The following HNMT variants were observed in gnomAD, a reference collection of about 807,000 sequenced individuals.
The protein encoded by HNMT is histamine N-methyltransferase.
Under a neutral mutation model 32.1 loss-of-function variants are expected in HNMT, and 30 were observed. That is an observed-to-expected ratio of 0.93 (90% CI 0.70 to 1.27). The LOEUF (loss-of-function observed/expected upper bound fraction) is 1.27, where lower values mean the gene tolerates loss of function less well. Among genes scored for constraint, HNMT ranks in the 50% most tolerant of loss-of-function variants. The pLI is 0.00. For missense variants in HNMT, 327 were observed against 346.0 expected (o/e 0.95, Z 0.43); for synonymous variants, 125 against 119.0 (o/e 1.05, Z -0.33).
At chr2:137,965,338 A>G (rs946560671) in intron 1 of HNMT, among the ~76,000 whole-genome samples, 17 of 152,250 alleles carry the variant, frequency 1.1e-4, no homozygotes, top group East Asian at 3.9e-4. Context: ...CAAATCACCT[A>G]TCTGGGGGTG....
In HNMT at chr2:138,008,625, A is replaced by G. The variant is rs189654220; in HGVS notation, c.523+3400A>G. Among the ~76,000 whole-genome samples the G allele has an allele frequency of 2.0e-3, 304 of 152,148 alleles. 2 individuals carry two copies. Among genetic ancestry groups the G allele is most frequent in the African/African-American group, 7.0e-3 (291 of 41,538 alleles). ...AGAGAGACCAGAAATAAGGCCGCAC[A>G]CCTACGACCATCTGATCTTTGACAA... On this transcript the variant is annotated intron_variant, in intron 5 of 5. Coordinates refer to ENST00000280097, the MANE Select transcript of HNMT (RefSeq NM_006895.3).
At chr2:137,986,369 G>T (rs1293722261) in intron 2 of HNMT, among the ~76,000 whole-genome samples, 1 of 152,194 alleles carries the variant, frequency 6.6e-6, no homozygotes, top group East Asian at 1.9e-4. Context: ...ACCCAGGAGA[G>T]CCCATGGTGT....
intron 2 of HNMT, among the ~76,000 whole-genome samples, chr2:137,984,122 T>C (rs1262231985): frequency 1.3e-5 from 2 of 152,226 alleles, no homozygotes; most frequent in Non-Finnish European, 2.9e-5. Context: ...CTTATAACTT[T>C]CCATCTAACT....
intron 4 of HNMT, 98 bp downstream of exon 4, chr2:138,002,292 A>T: frequency 8.9e-7 from 1 of 1,125,234 alleles, no homozygotes; most frequent in Non-Finnish European, 1.1e-6. Flanking sequence ...AGGTAAATGA[A>T]AATCTTCTGA....
At chr2:137,971,656 G>A (rs1412084447) in intron 2 of HNMT, among the ~76,000 whole-genome samples, 1 of 152,150 alleles carries the variant, frequency 6.6e-6, no homozygotes, top group African/African-American at 2.4e-5. Context: ...ATCTCATAAG[G>A]TTGTAGTGAG....
chr2:137,974,463 C>G (rs1033407308), intron 2 of HNMT, among the ~76,000 whole-genome samples: 1 of 151,830 alleles, frequency 6.6e-6, no homozygotes, highest in African/African-American at 2.4e-5. Context: ...CTAGATGGTA[C>G]GTGGGAAAAA....
chr2:138,013,070 G>C (rs1681558538), intron 5 of HNMT, among the ~76,000 whole-genome samples: 1 of 152,110 alleles, frequency 6.6e-6, no homozygotes, highest in South Asian at 2.1e-4. Context: ...TAGTGAAGTT[G>C]AAACTGAAAT....
intron 2 of HNMT, among the ~76,000 whole-genome samples, chr2:137,975,717 T>A (rs190318044): frequency 2.0e-5 from 3 of 152,296 alleles, no homozygotes; most frequent in East Asian, 1.9e-4. Context: ...ATCCAGTGTG[T>A]CAGGTTTAGA....
chr2:137,964,571 CG>C lies in HNMT; in HGVS notation c.82del (p.Glu28AsnfsTer16). ...ESFRRFLNHS[T>X]EHQCMQEFMD... The stretch of plus-strand genomic sequence containing the variant: ...TTCCGGAGGTTTCTCAACCATTCCA[CG>C]GAACACCAGTGCATGCAGGAATTCA... On this transcript the variant is annotated frameshift_variant, in exon 1 of 6. Transcript: ENST00000280097. LOFTEE classifies it high-confidence loss of function. The C allele has an allele frequency of 6.2e-7, 1 of 1,613,602 alleles. No homozygotes were observed. Among genetic ancestry groups the C allele is most frequent in the Non-Finnish European group, 8.5e-7 (1 of 1,179,632 alleles).
intron 2 of HNMT, among the ~76,000 whole-genome samples, chr2:137,998,569 A>G (rs539225691): frequency 1.3e-5 from 2 of 152,142 alleles, no homozygotes; most frequent in Non-Finnish European, 2.9e-5. Flanking sequence ...TTTGTCAGGA[A>G]TCCAGCACAC....
rs143454017 is a variant in HNMT, at chr2:137,967,100, C to A, written c.137+2472C>A. On this transcript the variant is annotated intron_variant, in intron 1 of 5. Coordinates refer to ENST00000280097, the MANE Select transcript of HNMT (RefSeq NM_006895.3). ...GTACTTTTCCACTGTCTTTTAGATA[C>A]CAGAATTGCTGTTAACAAATAAAAT... 5.1e-6 allele frequency: 4 copies of A among 780,312 alleles called. No individual in the cohort carries two copies. The African/African-American group carries it at 6.8e-5, about 13-fold the overall frequency. 48.3% of individuals were successfully genotyped at this position (780,312 alleles called of 1,614,324 possible). A position where few individuals can be genotyped will look rare whatever the true frequency, so the allele number is the denominator to read the frequency against.
chr2:137,980,946 C>G (rs1305366830), intron 2 of HNMT, among the ~76,000 whole-genome samples: 1 of 152,098 alleles, frequency 6.6e-6, no homozygotes, highest in Non-Finnish European at 1.5e-5. Flanking sequence ...TGTTCTTTCT[C>G]TGGCTGCAAA....
intron 1 of HNMT, among the ~76,000 whole-genome samples, chr2:137,968,248 C>A (rs1390153688): frequency 2.0e-5 from 3 of 152,058 alleles, no homozygotes; most frequent in Non-Finnish European, 2.9e-5. Context: ...ACATTTAAAT[C>A]CTTGGCTAGA....
intron 2 of HNMT, among the ~76,000 whole-genome samples, chr2:137,971,043 A>C (rs1573642092): frequency 6.6e-6 from 1 of 152,136 alleles, no homozygotes; most frequent in Non-Finnish European, 1.5e-5. Context: ...CATGGGGAAA[A>C]ATGTGCTCAG....
chr2:138,005,325 T>C lies in HNMT; in HGVS notation c.523+100T>C, dbSNP rs1416167123. 1.6e-5 allele frequency: 12 copies of C among 728,138 alleles called. No homozygotes were observed. The East Asian group carries it at 3.0e-4, about 18-fold the overall frequency. The allele number at this position is 728,138 out of a possible 1,614,324, so 45.1% of individuals were successfully genotyped here. A position where few individuals can be genotyped will look rare whatever the true frequency, so the allele number is the denominator to read the frequency against. On this transcript the variant is annotated intron_variant, in intron 5 of 5. Transcript: ENST00000280097. The stretch of plus-strand genomic sequence containing the variant: ...AAGCTTATATATTTTGTCTTCATTA[T>C]GAAATTCTTGCCTTGGCCTCTAATC...
At chr2:137,992,486 C>G (rs1016742405) in intron 2 of HNMT, among the ~76,000 whole-genome samples, 1 of 152,174 alleles carries the variant, frequency 6.6e-6, no homozygotes, top group African/African-American at 2.4e-5. Context: ...CCTGACCCAT[C>G]CTTCCTCATT....
intron 2 of HNMT, among the ~76,000 whole-genome samples, chr2:137,997,440 C>T (rs1360202569): frequency 6.6e-6 from 1 of 152,164 alleles, no homozygotes; most frequent in East Asian, 1.9e-4. Context: ...TATCGCTGAT[C>T]ATCAGAGAAA....
At position 137,968,174 on chromosome 2, in the gene HNMT, G is replaced by A. The variant is rs555911662; in HGVS notation, c.138-1991G>A. Among the ~76,000 whole-genome samples the A allele has an allele frequency of 2.6e-5, 4 of 152,244 alleles. No homozygotes were observed. The South Asian group carries it at 8.3e-4, about 32-fold the overall frequency. ...GGGTAGATGGTGGGGCAGGGCTTGGGGGCAGGAAAAATTATAGTAAATAAC... is the reference window on the plus strand; with the variant it reads ...GGGTAGATGGTGGGGCAGGGCTTGGAGGCAGGAAAAATTATAGTAAATAAC... On this transcript the variant is annotated intron_variant, in intron 1 of 5. Transcript: ENST00000280097.
chr2:138,011,228 T>C (rs1173205123), intron 5 of HNMT, among the ~76,000 whole-genome samples: 1 of 152,144 alleles, frequency 6.6e-6, no homozygotes, highest in African/African-American at 2.4e-5. Flanking sequence ...ATAATGATGA[T>C]AACAGAGCCT....
Sources: allele counts gnomAD v4.1 joint callset (sites outside exome capture counted in the v4.1 genomes callset), GRCh38; gene constraint gnomAD v4.1.1; transcripts MANE v1.5; gene names NCBI Gene and HGNC (gene_info 2026-07-23, HGNC 2026-07-21).